MRPS7: variants seen among roughly 807,000 people sequenced by gnomAD.
MRPS7 encodes small ribosomal subunit protein uS7m.
A neutral mutation model predicts 26.2 loss-of-function variants in MRPS7; 13 were observed. The ratio of observed to expected loss-of-function variants is 0.50; its 90% confidence interval spans 0.32 to 0.79. The LOEUF is 0.79. MRPS7 is among the 30% of genes least tolerant of loss of function. The pLI is 0.03. For synonymous variants in MRPS7, 129 were observed against 113.3 expected, an observed-to-expected ratio of 1.14 and a Z score of -0.88; for missense variants, 318 against 312.2, an observed-to-expected ratio of 1.02 and a Z score of -0.14.
intron 4 of MRPS7, among the ~76,000 whole-genome samples, chr17:75,265,399 T>C (rs1177373022): frequency 6.6e-6 from 1 of 151,818 alleles, no homozygotes; most frequent in Non-Finnish European, 1.5e-5. Context: ...GGTCTTGAAC[T>C]CCTGGGCTCA....
rs781375888 is a variant in MRPS7, at chr17:75,262,494, C to T, written c.84-3C>T. On this transcript the variant is annotated splice_region_variant and splice_polypyrimidine_tract_variant and intron_variant, in intron 1 of 4. Transcript: ENST00000245539. Reference sequence around the variant, plus strand: ...CCTGCCTCCTCCTTTCCCCCCCTCCCAGGCTAACTCAGGTGAGATGGAGCC... The same window carrying T: ...CCTGCCTCCTCCTTTCCCCCCCTCCTAGGCTAACTCAGGTGAGATGGAGCC... The T allele has an allele frequency of 1.2e-6, 2 of 1,612,980 alleles. No homozygotes were observed. Among genetic ancestry groups the T allele is most frequent in the South Asian group, 2.2e-5 (2 of 91,056 alleles).
chr17:75,263,133 C>T (rs922747594), intron 3 of MRPS7: 3 of 648,640 alleles, frequency 4.6e-6, no homozygotes, highest in South Asian at 2.1e-5. Flanking sequence ...CCCCCCACCC[C>T]CTCCATGCCA....
intron 3 of MRPS7, 135 bp from the exon 4 acceptor site, chr17:75,263,204 GT>G: frequency 9.3e-7 from 1 of 1,076,124 alleles, no homozygotes; most frequent in Non-Finnish European, 1.3e-6. Context: ...TAAAAACTTT[GT>G]TTTGGATGTG....
chr17:75,263,191 A>T, intron 3 of MRPS7, 149 bp from the exon 4 acceptor site: 1 of 899,150 alleles, frequency 1.1e-6, no homozygotes, highest in Non-Finnish European at 1.7e-6. Flanking sequence ...AGGGGGAGGC[A>T]CTTAAAAACT....
At chr17:75,263,280 T>C in intron 3 of MRPS7, 60 bp from the exon 4 acceptor site, 1 of 1,601,116 alleles carries the variant, frequency 6.2e-7, no homozygotes, top group Admixed American at 1.7e-5. Flanking sequence ...AGGTACTAGC[T>C]TGGCTGGGTA....
rs2145640720 is a variant in MRPS7, at chr17:75,265,697, C to G, written c.508-5C>G. On this transcript the variant is annotated splice_polypyrimidine_tract_variant and splice_region_variant and intron_variant, in intron 4 of 4. Coordinates refer to ENST00000245539, the MANE Select transcript of MRPS7 (RefSeq NM_015971.4). The stretch of plus-strand genomic sequence containing the variant: ...ACCAACTTGCCTATGTCCTGTCTCA[C>G]CCAGGTCCCTGTACCCCTACCCGAC... 2 of 1,613,276 alleles carry G rather than the reference C, an allele frequency of 1.2e-6. No individual in the cohort carries two copies. Among genetic ancestry groups the G allele is most frequent in the Non-Finnish European group, 1.7e-6 (2 of 1,179,738 alleles).
intron 1 of MRPS7, chr17:75,262,286 A>C (rs994159308): frequency 1.1e-5 from 7 of 661,192 alleles, no homozygotes; most frequent in Non-Finnish European, 1.8e-5. Flanking sequence ...CCTTACCGTT[A>C]GCACTTGACC....
chr17:75,266,254 A>G lies in MRPS7; in HGVS notation c.*331A>G, dbSNP rs2077481485. On this transcript the variant is annotated 3_prime_UTR_variant, in exon 5 of 5. Transcript: ENST00000245539. ...TTTAGTATCAGAAAAGATTTATTAG[A>G]AAATTCTCACGCTGAACTGGTGTAG... 2 of 392,098 alleles carry G rather than the reference A, an allele frequency of 5.1e-6. No individual in the cohort carries two copies. Among genetic ancestry groups the G allele is most frequent in the Non-Finnish European group, 9.4e-6 (2 of 212,520 alleles). The allele number at this position is 392,098 out of a possible 1,614,324, so 24.3% of individuals were successfully genotyped here. A position where few individuals can be genotyped will look rare whatever the true frequency, so the allele number is the denominator to read the frequency against.
At chr17:75,263,782 G>C (rs547379162) in intron 4 of MRPS7, 1 of 332,204 alleles carries the variant, frequency 3.0e-6, no homozygotes, top group South Asian at 3.6e-5. Context: ...TCAGGAGGCT[G>C]AGGTAGGAGG....
Position 75,266,057 on chromosome 17 carries a change from C to T in MRPS7, c.*134C>T, listed in dbSNP as rs1598150506. On this transcript the variant is annotated 3_prime_UTR_variant, in exon 5 of 5. Coordinates refer to ENST00000245539, the MANE Select transcript of MRPS7 (RefSeq NM_015971.4). ...AGGCCTCGTAAGAAAGATGTAGCAG[C>T]ATATTCACTATCCGTTAATCCTTCT... The T allele has an allele frequency of 1.4e-6, 1 of 735,316 alleles. No homozygotes were observed. Among genetic ancestry groups the T allele is most frequent in the Middle Eastern group, 3.8e-4 (1 of 2,620 alleles). The allele number at this position is 735,316 out of a possible 1,614,324, so 45.5% of individuals were successfully genotyped here. A position where few individuals can be genotyped will look rare whatever the true frequency, so the allele number is the denominator to read the frequency against.
chr17:75,262,221 G>C, intron 1 of MRPS7: 1 of 642,678 alleles, frequency 1.6e-6, no homozygotes, highest in Non-Finnish European at 2.7e-6. Flanking sequence ...CAGCTAAAGA[G>C]CTCAGATCTG....
chr17:75,262,250 G>A (rs2077414207), intron 1 of MRPS7: 3 of 637,282 alleles, frequency 4.7e-6, no homozygotes, highest in Non-Finnish European at 5.4e-6. Flanking sequence ...TGTGAATTGG[G>A]ATGGGTGTGT....
intron 1 of MRPS7, 112 bp downstream of exon 1, chr17:75,262,095 A>C: frequency 7.7e-7 from 1 of 1,291,718 alleles, no homozygotes. Flanking sequence ...GAGTATCTGG[A>C]TTCAAGCTTC....
chr17:75,262,723 G>T, intron 2 of MRPS7, 35 bp downstream of exon 2: 1 of 1,613,852 alleles, frequency 6.2e-7, no homozygotes, highest in South Asian at 1.1e-5. Context: ...ACATGGACTG[G>T]GACTATCCCA....
Position 75,266,111 on chromosome 17 carries a change from GC to G in MRPS7, c.*192del, listed in dbSNP as rs1308412082. ...TTTGAGGCTGGAACTTGCTCTCTCT[GC>G]CCCTATTTCCTTGTAAAGAGGGAGC... is the stretch of plus-strand genomic sequence containing the variant. On this transcript the variant is annotated 3_prime_UTR_variant, in exon 5 of 5. Coordinates refer to ENST00000245539, the MANE Select transcript of MRPS7 (RefSeq NM_015971.4). 3.3e-6 allele frequency: 2 copies of G among 611,266 alleles called. No individual in the cohort carries two copies. The highest frequency in any genetic ancestry group is 2.9e-6 in the Non-Finnish European group (1 of 349,392). 37.9% of individuals were successfully genotyped at this position (611,266 alleles called of 1,614,324 possible).
At chr17:75,262,905 C>T in intron 3 of MRPS7, 38 bp downstream of exon 3, 5 of 1,596,976 alleles carry the variant, frequency 3.1e-6, no homozygotes, top group Non-Finnish European at 4.3e-6. Context: ...CTTTCTTGCC[C>T]CCCTACCCCG....
chr17:75,265,842 G>T lies in MRPS7; in HGVS notation c.648G>T (p.Gln216His). Residue 216 changes from glutamine (Q) to histidine (H), a missense_variant, in exon 5 of 5, where the codon CAG (glutamine) becomes CAT (histidine). Coordinates refer to ENST00000245539, the MANE Select transcript of MRPS7 (RefSeq NM_015971.4). ...SHKLLEAFHN[Q>H]GPVIKRKHDL... ...AGCTGCTGGAGGCTTTCCATAACCA[G>T]GGCCCCGTGATCAAGAGGAAGCATG... The T allele has an allele frequency of 6.2e-7, 1 of 1,614,158 alleles. No individual in the cohort carries two copies. Among genetic ancestry groups the T allele is most frequent in the Non-Finnish European group, 8.5e-7 (1 of 1,180,044 alleles).
rs370949988 is a variant in MRPS7 at position 75,265,727 on chromosome 17, G to A, written c.533G>A (p.Arg178His). The change falls in exon 5 of 5, where the codon CGT becomes CAT. Residue 178 changes from arginine to histidine, a missense_variant. By Grantham distance (29) the Arg-to-His change is conservative. Coordinates refer to ENST00000245539, the MANE Select transcript of MRPS7 (RefSeq NM_015971.4). ...GTCCCTGTACCCCTACCCGACCGGCGTCGCCGCTTCCTAGCCATGAAGTGG... is the reference window on the plus strand; with the variant it reads ...GTCCCTGTACCCCTACCCGACCGGCATCGCCGCTTCCTAGCCATGAAGTGG... The part of the protein sequence containing the change: ...YQVPVPLPDR[R>H]RRFLAMKWMI... 1.2e-4 allele frequency: 188 copies of A among 1,613,932 alleles called. No homozygotes were observed. Among genetic ancestry groups the A allele is most frequent in the Admixed American group, 1.8e-4 (11 of 60,010 alleles).
In MRPS7 at chr17:75,262,658, C is replaced by G. The variant is rs768390702; in HGVS notation, c.245C>G (p.Thr82Arg). The G allele has an allele frequency of 6.8e-6, 11 of 1,614,032 alleles. No individual in the cohort carries two copies. In the African/African-American group the frequency reaches 8.0e-5, roughly 12 times the overall value. Residue 82 changes from threonine (T) to arginine (R), a missense_variant, in exon 2 of 5, where the codon ACA becomes AGA. By Grantham distance (71) the Thr-to-Arg change is moderately conservative (BLOSUM62 -1). Coordinates refer to ENST00000245539, the MANE Select transcript of MRPS7 (RefSeq NM_015971.4). The stretch of plus-strand genomic sequence containing the variant: ...ATCAAAGCTGCTCCAGCAGGGAAAA[C>G]AAGTTCTGTGTTTGAAGACCCAGTC... Reference protein sequence around the residue: ...QLIKAAPAGKTSSVFEDPVIS... With the variant: ...QLIKAAPAGKRSSVFEDPVIS...
Sources: allele counts gnomAD v4.1 joint callset (sites outside exome capture counted in the v4.1 genomes callset), GRCh38; gene constraint gnomAD v4.1.1; transcripts MANE v1.5; gene names NCBI Gene and HGNC (gene_info 2026-07-23, HGNC 2026-07-21).